Variants in TNFAIP8 observed in about 807,000 individuals in gnomAD.
TNFAIP8 encodes the protein TNF alpha induced protein 8, also known as tumor necrosis factor alpha-induced protein 8.
TNFAIP8 carries 7 observed loss-of-function variants against 13.3 expected under a neutral mutation model. That is an observed-to-expected ratio of 0.52 (90% CI 0.30 to 0.99). The LOEUF (loss-of-function observed/expected upper bound fraction) is 0.99. Ranked by LOEUF, TNFAIP8 falls within the 50% of genes least tolerant of loss-of-function variation. TNFAIP8 has a pLI of 0.07. For synonymous variants in TNFAIP8, 94 were observed against 87.6 expected (o/e 1.07, Z -0.41); for missense variants, 258 against 236.9 (o/e 1.09, Z -0.58).
At chr5:119,280,675 T>C (rs1231583637) in intron 1 of TNFAIP8, among the ~76,000 whole-genome samples, 2 of 152,230 alleles carry the variant, frequency 1.3e-5, no homozygotes, top group Non-Finnish European at 2.9e-5. Context: ...TGTCTCGATC[T>C]GTTAATTCAG....
intron 1 of TNFAIP8, among the ~76,000 whole-genome samples, chr5:119,279,000 T>C (rs1748549834): frequency 6.6e-6 from 1 of 152,172 alleles, no homozygotes; most frequent in Non-Finnish European, 1.5e-5. Context: ...TATAGAGAAT[T>C]CCTTAATTTT....
chr5:119,369,058 T>TC (rs1480806965), intron 1 of TNFAIP8, among the ~76,000 whole-genome samples: 1 of 148,918 alleles, frequency 6.7e-6, no homozygotes, highest in East Asian at 1.9e-4. Context: ...TTCTTTTCTT[T>TC]TTTTTTTTTT....
chr5:119,283,546 A>G (rs894741734), intron 1 of TNFAIP8, among the ~76,000 whole-genome samples: 1 of 152,228 alleles, frequency 6.6e-6, no homozygotes, highest in African/African-American at 2.4e-5. Flanking sequence ...TTGCAGGTAT[A>G]AAGAAAAAGG....
chr5:119,391,318 T>G, intron 1 of TNFAIP8: 1 of 699,116 alleles, frequency 1.4e-6, no homozygotes, highest in Non-Finnish European at 2.6e-6. Flanking sequence ...TCTGTATTTT[T>G]AAACTTTTTA....
At chr5:119,295,561 C>T (rs377199798) in intron 1 of TNFAIP8, among the ~76,000 whole-genome samples, 102 of 152,148 alleles carry the variant, frequency 6.7e-4, no homozygotes, top group Non-Finnish European at 7.9e-4. Flanking sequence ...AGTCAGGTAG[C>T]GTGATGTCTC....
chr5:119,346,844 C>A (rs992293072), intron 1 of TNFAIP8, among the ~76,000 whole-genome samples: 1 of 152,140 alleles, frequency 6.6e-6, no homozygotes, highest in Non-Finnish European at 1.5e-5. Flanking sequence ...AATTTGGGGA[C>A]CTCAGAACTA....
At chr5:119,363,945 A>G (rs1327860035) in intron 1 of TNFAIP8, among the ~76,000 whole-genome samples, 1 of 152,186 alleles carries the variant, frequency 6.6e-6, no homozygotes, top group Non-Finnish European at 1.5e-5. Context: ...GGAAACATTT[A>G]CTGATTTATT....
At chr5:119,348,591 C>G (rs1437087250) in intron 1 of TNFAIP8, among the ~76,000 whole-genome samples, 2 of 151,930 alleles carry the variant, frequency 1.3e-5, no homozygotes, top group Non-Finnish European at 2.9e-5. Flanking sequence ...GAGGATTAAA[C>G]AATCTCTGGC....
chr5:119,370,912 G>T (rs964290079), intron 1 of TNFAIP8, among the ~76,000 whole-genome samples: 3 of 152,140 alleles, frequency 2.0e-5, no homozygotes, highest in African/African-American at 7.2e-5. Flanking sequence ...TTGGGAACCT[G>T]GAATCTCAAC....
chr5:119,338,197 CACACACACACACA>C (rs1562006778), intron 1 of TNFAIP8, among the ~76,000 whole-genome samples: 6 of 147,844 alleles, frequency 4.1e-5, no homozygotes, highest in African/African-American at 1.6e-4. Flanking sequence ...CACACACACA[CACACACACACACA>C]CCTTCTCAGC....
upstream of TNFAIP8, among the ~76,000 whole-genome samples, chr5:119,352,906 A>C (rs1562013705): frequency 6.6e-6 from 1 of 152,252 alleles, no homozygotes; most frequent in Non-Finnish European, 1.5e-5. Context: ...GGGTCAATTT[A>C]CATATGACAC....
chr5:119,338,857 C>T (rs772996336), intron 1 of TNFAIP8, among the ~76,000 whole-genome samples: 5 of 152,106 alleles, frequency 3.3e-5, no homozygotes, highest in Non-Finnish European at 2.9e-5. Flanking sequence ...TGGGCAACAT[C>T]GTGAGACTGA....
intron 1 of TNFAIP8, among the ~76,000 whole-genome samples, chr5:119,292,685 T>TATATATACACAC (rs1470227218): frequency 2.3e-4 from 12 of 52,336 alleles, no homozygotes; most frequent in African/African-American, 5.3e-4. Context: ...TATATATATA[T>TATATATACACAC]ACACACACAC....
chr5:119,300,011 T>G (rs1017394427), intron 1 of TNFAIP8, among the ~76,000 whole-genome samples: 5 of 152,202 alleles, frequency 3.3e-5, no homozygotes, highest in African/African-American at 7.2e-5. Context: ...GTGCCGTCTG[T>G]CACCCCTTTC....
upstream of TNFAIP8, chr5:119,355,110 G>T (rs1030967009): frequency 4.8e-5 from 27 of 558,716 alleles, no homozygotes; most frequent in Non-Finnish European, 7.1e-5. Context: ...ATTTGTAGGG[G>T]CCTGTGGGCC....
At chr5:119,323,137 CT>C (rs1704326688) in intron 1 of TNFAIP8, among the ~76,000 whole-genome samples, 1 of 152,214 alleles carries the variant, frequency 6.6e-6, no homozygotes, top group Non-Finnish European at 1.5e-5. Flanking sequence ...GCTGCCATCT[CT>C]TTCCTAGGTT....
chr5:119,319,883 G>A lies in TNFAIP8; in HGVS notation c.1+50976G>A, dbSNP rs151000284. 3.0e-3 allele frequency among the ~76,000 whole-genome samples: 461 copies of A among 152,326 alleles called. 2 individuals carry two copies. The highest frequency in any genetic ancestry group is 0.011 in the African/African-American group (446 of 41,570). ...GGTGGGACAGGAGTTACTAGTTTTCGTTTGTTTGAAAGATGTGAAAGAGGG... is the reference window on the plus strand; with the variant it reads ...GGTGGGACAGGAGTTACTAGTTTTCATTTGTTTGAAAGATGTGAAAGAGGG... On this transcript the variant is annotated intron_variant, in intron 1 of 1. Transcript: ENST00000274456.
chr5:119,392,376 A>G (rs1752925282), intron 1 of TNFAIP8, among the ~76,000 whole-genome samples: 1 of 140,234 alleles, frequency 7.1e-6, no homozygotes, highest in South Asian at 2.4e-4. Flanking sequence ...GATGACAGGT[A>G]TAGAGTTGAT....
At chr5:119,270,827 T>G (rs1748270552) in intron 1 of TNFAIP8, among the ~76,000 whole-genome samples, 1 of 152,196 alleles carries the variant, frequency 6.6e-6, no homozygotes, top group Non-Finnish European at 1.5e-5. Flanking sequence ...ATGTGATGAT[T>G]TAAGAATTAT....
Sources: allele counts gnomAD v4.1 joint callset (sites outside exome capture counted in the v4.1 genomes callset), GRCh38; gene constraint gnomAD v4.1.1; transcripts MANE v1.5; gene names NCBI Gene and HGNC (gene_info 2026-07-23, HGNC 2026-07-21).